The following SEMA3F variants were observed in gnomAD, a reference collection of about 807,000 sequenced individuals.
The protein encoded by SEMA3F is semaphorin 3F, also known as semaphorin-3F.
A neutral mutation model predicts 98.5 loss-of-function variants in SEMA3F; 30 were observed. That is an observed-to-expected ratio of 0.30 (90% confidence interval 0.23 to 0.41). SEMA3F has a LOEUF of 0.41. Among genes scored for constraint, SEMA3F ranks in the 10% least tolerant of loss-of-function variants. The pLI, the probability that SEMA3F is intolerant of heterozygous loss-of-function variation, is 1.00. For synonymous variants in SEMA3F, 380 were observed against 444.8 expected, an observed-to-expected ratio of 0.85 and a Z score of 1.83; for missense variants, 866 against 1,119.3, an observed-to-expected ratio of 0.77 and a Z score of 3.23.
At chr3:50,184,564 G>A in intron 12 of SEMA3F, 28 bp from the exon 13 acceptor site, 1 of 1,583,622 alleles carries the variant, frequency 6.3e-7, no homozygotes. Context: ...CAGGCAGCCT[G>A]GGACTGACAC....
chr3:50,186,879 C>CT (rs1381814523), intron 18 of SEMA3F, 133 bp downstream of exon 18: 1 of 986,328 alleles, frequency 1.0e-6, no homozygotes, highest in Non-Finnish European at 1.4e-6. Context: ...CATGCAAATC[C>CT]TTTGAGTGAA....
At chr3:50,186,399 A>G (rs1699215298) in intron 17 of SEMA3F, 51 bp downstream of exon 17, 1 of 1,570,132 alleles carries the variant, frequency 6.4e-7, no homozygotes, top group South Asian at 1.1e-5. Context: ...GCAGAAGTCC[A>G]CGCAGCCCAC....
rs907141924 is a variant in SEMA3F at position 50,166,784 on chromosome 3, C to T, written c.113-7009C>T. ...GTTGGTCCCATCTTGGCCTGTCTGT[C>T]TGGGTGATTTATCAGAGTAAATGAG... On this transcript the variant is annotated intron_variant, in intron 2 of 18. Coordinates refer to ENST00000002829, the MANE Select transcript of SEMA3F (RefSeq NM_004186.5). The surrounding 1 kb of genome is among the most constrained non-coding windows in gnomAD (Gnocchi z 4.7). Among the ~76,000 whole-genome samples the T allele has an allele frequency of 6.6e-6, 1 of 152,140 alleles. No individual in the cohort carries two copies. Among genetic ancestry groups the T allele is most frequent in the Admixed American group, 6.5e-5 (1 of 15,282 alleles).
chr3:50,177,219 C>A (rs1383665673), intron 7 of SEMA3F, among the ~76,000 whole-genome samples: 1 of 152,198 alleles, frequency 6.6e-6, no homozygotes, highest in East Asian at 1.9e-4. Context: ...GAGGGGCAGT[C>A]CCATAGCATG....
rs756141927 is a variant in SEMA3F at position 50,187,850 on chromosome 3, G to C, written c.2093G>C (p.Gly698Ala). 6.8e-6 allele frequency: 11 copies of C among 1,613,208 alleles called. No individual in the cohort carries two copies. Among genetic ancestry groups the C allele is most frequent in the Admixed American group, 1.7e-5 (1 of 60,002 alleles). ...ACACGAGTGCAGCTGCATGTACTGG[G>C]CCGGGACGCCGTCCATGCTGCCCTC... ...VVTRVQLHVL[G>A]RDAVHAALFP... Residue 698 changes from glycine (G) to alanine (A), a missense_variant, in exon 19 of 19, where the codon GGC becomes GCC. Transcript: ENST00000002829.
At chr3:50,169,181 G>A (rs1443106856) in intron 2 of SEMA3F, among the ~76,000 whole-genome samples, 1 of 152,134 alleles carries the variant, frequency 6.6e-6, no homozygotes, top group East Asian at 1.9e-4. Context: ...GCAAGGGGTA[G>A]GGGCTGCCCA....
chr3:50,175,611 G>A (rs1698781477), intron 6 of SEMA3F, among the ~76,000 whole-genome samples: 2 of 152,198 alleles, frequency 1.3e-5, no homozygotes, highest in Non-Finnish European at 2.9e-5. Flanking sequence ...AGTCATCTGT[G>A]GACACAGGTG....
At chr3:50,186,991 G>T (rs565874886) in intron 18 of SEMA3F, among the ~76,000 whole-genome samples, 1 of 152,324 alleles carries the variant, frequency 6.6e-6, no homozygotes, top group African/African-American at 2.4e-5. Context: ...CACATTGGGG[G>T]TGTACCTTCT....
chr3:50,183,056 A>G (rs1411114912), intron 10 of SEMA3F, 38 bp downstream of exon 10: 4 of 1,593,662 alleles, frequency 2.5e-6, no homozygotes, highest in Non-Finnish European at 3.4e-6. Context: ...CTCTGGCTAC[A>G]GCAAGAGGGA....
At chr3:50,172,188 C>G (rs1575390300) in intron 2 of SEMA3F, among the ~76,000 whole-genome samples, 1 of 152,196 alleles carries the variant, frequency 6.6e-6, no homozygotes, top group East Asian at 1.9e-4. Context: ...ATGTGTGACC[C>G]CCTTGGTGAG....
intron 2 of SEMA3F, among the ~76,000 whole-genome samples, chr3:50,167,427 G>A (rs1012728850): frequency 3.9e-5 from 6 of 152,188 alleles, no homozygotes; most frequent in Non-Finnish European, 7.3e-5. Context: ...CTGCTGCTCC[G>A]TCACTTCTGG....
Position 50,165,454 on chromosome 3 carries a change from A to G in SEMA3F, c.112+5720A>G, listed in dbSNP as rs578168522. ...AGACTGGCTCCAAGGCCTGGTTGGG[A>G]CGCACAGTTGGCTGCAATAACTCCT... On this transcript the variant is annotated intron_variant, in intron 2 of 18. Coordinates refer to ENST00000002829, the MANE Select transcript of SEMA3F (RefSeq NM_004186.5). Among the ~76,000 whole-genome samples the G allele has an allele frequency of 5.3e-5, 8 of 152,250 alleles. No homozygotes were observed. The East Asian group carries it at 1.5e-3, about 29-fold the overall frequency.
chr3:50,178,001 G>A (rs1698878796), intron 7 of SEMA3F, among the ~76,000 whole-genome samples: 1 of 152,192 alleles, frequency 6.6e-6, no homozygotes, highest in Non-Finnish European at 1.5e-5. Context: ...CAGCACTTTG[G>A]GAGACGGAGG....
In SEMA3F at chr3:50,185,689, G is replaced by A; in HGVS notation, c.1569G>A (p.Met523Ile). 1.9e-6 allele frequency: 3 copies of A among 1,614,140 alleles called. No individual in the cohort carries two copies. The highest frequency in any genetic ancestry group is 2.5e-6 in the Non-Finnish European group (3 of 1,180,028). ...AGGATCCAGCACCCGTCAAGACCATGACCATCTCTTCTAAGAGGGTAAGCC... is the reference window on the plus strand; with the variant it reads ...AGGATCCAGCACCCGTCAAGACCATAACCATCTCTTCTAAGAGGGTAAGCC... ...VFKDPAPVKT[M>I]TISSKRQQLY... is the part of the protein sequence containing the mutation. The change falls in exon 15 of 19, where the codon ATG becomes ATA. Residue 523 changes from methionine to isoleucine, a missense_variant. Transcript: ENST00000002829.
At chr3:50,186,396 TCCACGCAGC>T in intron 17 of SEMA3F, 48 bp downstream of exon 17, 1 of 1,577,634 alleles carries the variant, frequency 6.3e-7, no homozygotes, top group Non-Finnish European at 8.7e-7. Flanking sequence ...ACTGCAGAAG[TCCACGCAGC>T]CCACGAAGCT....
chr3:50,156,480 C>T lies in SEMA3F; in HGVS notation c.-49+916C>T, dbSNP rs1477399068. Reference sequence around the variant, plus strand: ...CCAACCAAAGACACCAGTATGTCCACCCTGAAGCTGGGCCAGGTTGGGGAC... The same window carrying T: ...CCAACCAAAGACACCAGTATGTCCATCCTGAAGCTGGGCCAGGTTGGGGAC... On this transcript the variant is annotated intron_variant, in intron 1 of 18. Coordinates refer to ENST00000002829, the MANE Select transcript of SEMA3F (RefSeq NM_004186.5). This position sits in a 1 kb window ranked among gnomAD's most constrained non-coding sequence, Gnocchi z 4.5. Among the ~76,000 whole-genome samples, 3 of 152,206 alleles carry T rather than the reference C, an allele frequency of 2.0e-5. No homozygotes were observed. Among genetic ancestry groups the T allele is most frequent in the African/African-American group, 4.8e-5 (2 of 41,442 alleles).
Position 50,158,243 on chromosome 3 carries a change from C to T in SEMA3F, c.-48-1332C>T, listed in dbSNP as rs988742235. On this transcript the variant is annotated intron_variant, in intron 1 of 18. Coordinates refer to ENST00000002829, the MANE Select transcript of SEMA3F (RefSeq NM_004186.5). This position sits in a 1 kb window ranked among gnomAD's most constrained non-coding sequence, Gnocchi z 4.8. ...TCCCCCAGCTAGCCTCCCCAGGAGG[C>T]AGCATCTATGACAGGGGATCTGGAA... is the stretch of plus-strand genomic sequence containing the variant. 6.6e-6 allele frequency among the ~76,000 whole-genome samples: 1 copy of T among 152,258 alleles called. No homozygotes were observed. Among genetic ancestry groups the T allele is most frequent in the Non-Finnish European group, 1.5e-5 (1 of 68,042 alleles).
chr3:50,182,365 C>T lies in SEMA3F; in HGVS notation c.725C>T (p.Ala242Val), dbSNP rs1234792578. Reference sequence around the variant, plus strand: ...TTCCGCACACTTGGAAAGCAGACAGCCATGCGCACGGATCAGTACAACTCC... The same window carrying T: ...TTCCGCACACTTGGAAAGCAGACAGTCATGCGCACGGATCAGTACAACTCC... The part of the protein sequence containing the change: ...AIFRTLGKQT[A>V]MRTDQYNSRW... Residue 242 changes from alanine to valine, a missense_variant, in exon 8 of 19, where the codon GCC becomes GTC. By Grantham distance (64) the Ala-to-Val change is moderately conservative. Coordinates refer to ENST00000002829, the MANE Select transcript of SEMA3F (RefSeq NM_004186.5). The surrounding 1 kb of genome is among the most constrained non-coding windows in gnomAD (Gnocchi z 4.5). The T allele has an allele frequency of 6.2e-7, 1 of 1,613,904 alleles. No homozygotes were observed. Among genetic ancestry groups the T allele is most frequent in the African/African-American group, 1.3e-5 (1 of 74,932 alleles).
At chr3:50,183,366 A>G in intron 11 of SEMA3F, 54 bp from the exon 12 acceptor site, 1 of 1,605,838 alleles carries the variant, frequency 6.2e-7, no homozygotes, top group East Asian at 2.2e-5. Flanking sequence ...CAGTTTGGGG[A>G]GGGGCCCTAG....
Sources: gnomAD v4.1 joint callset for allele counts (sites outside exome capture counted in the v4.1 genomes callset) on GRCh38, gnomAD v4.1.1 for gene constraint, Gnocchi (gnomAD v3.1) non-coding constraint, MANE v1.5 for transcripts, NCBI Gene and HGNC (gene_info 2026-07-23, HGNC 2026-07-21) for gene names.